Variants in PDSS2 observed in about 807,000 individuals in gnomAD.
PDSS2 encodes decaprenyl diphosphate synthase subunit 2.
A neutral mutation model predicts 44.5 loss-of-function variants in PDSS2; 31 were observed. That is an observed-to-expected ratio of 0.70 (90% confidence interval 0.52 to 0.94). The LOEUF (loss-of-function observed/expected upper bound fraction) is 0.94, where lower values mean the gene tolerates loss of function less well. Among genes scored for constraint, PDSS2 ranks in the 40% least tolerant of loss-of-function variants. PDSS2 has a pLI of 0.00. For synonymous variants in PDSS2, 157 were observed against 180.3 expected, an observed-to-expected ratio of 0.87 and a Z score of 1.03; for missense variants, 452 against 482.2, an observed-to-expected ratio of 0.94 and a Z score of 0.59.
chr6:107,242,289 A>G (rs12213879), intron 4 of PDSS2, among the ~76,000 whole-genome samples: 5,070 of 152,122 alleles, frequency 0.033, 128 homozygotes, highest in African/African-American at 0.072. Flanking sequence ...TTTGAGACGG[A>G]GTCTTGCTCT....
At chr6:107,219,490 T>C (rs369037135) in intron 4 of PDSS2, among the ~76,000 whole-genome samples, 73 of 152,286 alleles carry the variant, frequency 4.8e-4, no homozygotes, top group African/African-American at 1.6e-3. Context: ...TTTCGCTATG[T>C]TGGCCAGGGT....
At chr6:107,155,876 CCTTTT>C (rs1223724647) in intron 7 of PDSS2, among the ~76,000 whole-genome samples, 31 of 110,028 alleles carry the variant, frequency 2.8e-4, no homozygotes, top group African/African-American at 1.0e-3. Flanking sequence ...CCTTGCCCGG[CCTTTT>C]TTTTTTTTTT....
At chr6:107,337,176 A>C (rs1777932045) in intron 1 of PDSS2, among the ~76,000 whole-genome samples, 1 of 151,994 alleles carries the variant, frequency 6.6e-6, no homozygotes, top group Non-Finnish European at 1.5e-5. Flanking sequence ...ATATTAACTA[A>C]ATTAATTCAC....
intron 1 of PDSS2, among the ~76,000 whole-genome samples, chr6:107,429,838 C>T (rs546247991): frequency 3.3e-4 from 46 of 137,418 alleles, no homozygotes; most frequent in African/African-American, 1.2e-3. Context: ...GAGCCAAGAT[C>T]GCGCCATTGC....
At chr6:107,283,088 G>A (rs1442495661) in intron 2 of PDSS2, among the ~76,000 whole-genome samples, 2 of 151,724 alleles carry the variant, frequency 1.3e-5, no homozygotes, top group African/African-American at 4.8e-5. Context: ...GGAGGCCAAG[G>A]CGGGGAGGAT....
chr6:107,340,949 T>A (rs1778060124), intron 1 of PDSS2, among the ~76,000 whole-genome samples: 1 of 152,100 alleles, frequency 6.6e-6, no homozygotes, highest in Admixed American at 6.6e-5. Flanking sequence ...AAAGTCAGGT[T>A]TAGAGTCTGG....
Position 107,326,702 on chromosome 6 carries a change from A to C in PDSS2, c.431+7496T>G, listed in dbSNP as rs374659110. ...CCCTGTCTCTACTAAAAATAGAAAAATTAGCCAGGCGTGGTGGTGCAGACC... is the reference window on the plus strand; with the variant it reads ...CCCTGTCTCTACTAAAAATAGAAAACTTAGCCAGGCGTGGTGGTGCAGACC... On this transcript the variant is annotated intron_variant, in intron 2 of 7. Coordinates refer to ENST00000369037, the MANE Select transcript of PDSS2 (RefSeq NM_020381.4). Among the ~76,000 whole-genome samples the C allele has an allele frequency of 3.3e-5, 5 of 152,000 alleles. No individual in the cohort carries two copies. In the East Asian group the frequency reaches 7.9e-4, roughly 24 times the overall value.
chr6:107,344,181 G>C (rs1243283157), intron 1 of PDSS2, among the ~76,000 whole-genome samples: 4 of 152,012 alleles, frequency 2.6e-5, no homozygotes, highest in Non-Finnish European at 4.4e-5. Flanking sequence ...TGGTATCAAT[G>C]AAATGATGTT....
intron 2 of PDSS2, among the ~76,000 whole-genome samples, chr6:107,302,707 T>G (rs1221706652): frequency 6.6e-6 from 1 of 152,134 alleles, no homozygotes; most frequent in East Asian, 1.9e-4. Flanking sequence ...ATAAGTCATA[T>G]GAGAGTATGC....
At chr6:107,393,845 T>C (rs1779858307) in intron 1 of PDSS2, among the ~76,000 whole-genome samples, 1 of 152,214 alleles carries the variant, frequency 6.6e-6, no homozygotes, top group South Asian at 2.1e-4. Context: ...TTTTTAACCC[T>C]TGTAATATTC....
intron 6 of PDSS2, 127 bp from the exon 7 acceptor site, chr6:107,193,981 A>C: frequency 1.4e-6 from 1 of 691,622 alleles, no homozygotes; most frequent in East Asian, 2.7e-5. Context: ...TTTAATATAC[A>C]TATTGAACTA....
chr6:107,329,836 G>A (rs757462325), intron 2 of PDSS2, among the ~76,000 whole-genome samples: 6 of 151,708 alleles, frequency 4.0e-5, no homozygotes, highest in Admixed American at 6.6e-5. Context: ...TATACCCCAC[G>A]TCTTTGTGAG....
chr6:107,203,985 C>CA (rs1008741830), intron 6 of PDSS2, among the ~76,000 whole-genome samples: 14 of 151,906 alleles, frequency 9.2e-5, no homozygotes, highest in Non-Finnish European at 2.1e-4. Flanking sequence ...ACTCTGTCCC[C>CA]ACGCTGGAGT....
At chr6:107,415,871 T>G (rs1780642710) in intron 1 of PDSS2, among the ~76,000 whole-genome samples, 1 of 152,176 alleles carries the variant, frequency 6.6e-6, no homozygotes, top group East Asian at 1.9e-4. Context: ...CTTAGTAAAA[T>G]GTACTCCCAG....
chr6:107,218,828 C>T (rs983496869), intron 4 of PDSS2, among the ~76,000 whole-genome samples: 1 of 152,136 alleles, frequency 6.6e-6, no homozygotes, highest in African/African-American at 2.4e-5. Flanking sequence ...GAGGCCAAGG[C>T]GGCCGGATCA....
intron 1 of PDSS2, among the ~76,000 whole-genome samples, chr6:107,437,517 C>A (rs1322687090): frequency 9.4e-6 from 1 of 106,298 alleles, no homozygotes; most frequent in Non-Finnish European, 1.9e-5. Flanking sequence ...AGAGTGAGAC[C>A]CTGTCTCCAA....
chr6:107,418,649 C>T (rs1472718465), intron 1 of PDSS2, among the ~76,000 whole-genome samples: 1 of 152,086 alleles, frequency 6.6e-6, no homozygotes, highest in Non-Finnish European at 1.5e-5. Flanking sequence ...GTGGCAGGCA[C>T]CTGTAGTCCC....
At chr6:107,358,313 C>G (rs1398900686) in intron 1 of PDSS2, among the ~76,000 whole-genome samples, 1 of 152,100 alleles carries the variant, frequency 6.6e-6, no homozygotes, top group African/African-American at 2.4e-5. Context: ...ATGTCCGGTG[C>G]CAAGCATTTT....
intron 3 of PDSS2, among the ~76,000 whole-genome samples, chr6:107,270,805 A>G (rs1430865589): frequency 1.3e-5 from 2 of 152,232 alleles, no homozygotes; most frequent in African/African-American, 2.4e-5. Flanking sequence ...ATATACTTCC[A>G]AAAACTTTAC....
Sources: gnomAD v4.1 joint callset for allele counts (sites outside exome capture counted in the v4.1 genomes callset) on GRCh38, gnomAD v4.1.1 for gene constraint, MANE v1.5 for transcripts, NCBI Gene and HGNC (gene_info 2026-07-23, HGNC 2026-07-21) for gene names.